The following TMCO4 variants were observed in gnomAD, a reference collection of about 807,000 sequenced individuals.
The protein encoded by TMCO4 is transmembrane and coiled-coil domain-containing protein 4.
Under a neutral mutation model 64.7 loss-of-function variants are expected in TMCO4, and 58 were observed. That is an observed-to-expected ratio of 0.90 (90% confidence interval 0.73 to 1.12). The LOEUF (loss-of-function observed/expected upper bound fraction) is 1.12. Ranked by LOEUF, TMCO4 falls within the 50% of genes most tolerant of loss-of-function variation. TMCO4 has a pLI of 0.00. For synonymous variants in TMCO4, 325 were observed against 346.1 expected (o/e 0.94, Z 0.68); for missense variants, 780 against 825.9 (o/e 0.94, Z 0.68).
chr1:19,779,173 C>T (rs1441082097), intron 4 of TMCO4, among the ~76,000 whole-genome samples: 1 of 152,214 alleles, frequency 6.6e-6, no homozygotes, highest in African/African-American at 2.4e-5. Flanking sequence ...GATGCAAGAG[C>T]TTCTCACCAT....
At chr1:19,696,397 A>C (rs1449788398) in intron 14 of TMCO4, among the ~76,000 whole-genome samples, 2 of 150,074 alleles carry the variant, frequency 1.3e-5, no homozygotes, top group Non-Finnish European at 2.9e-5. Context: ...AAAACACACA[A>C]AAATTAGCTG....
chr1:19,752,260 C>T (rs1185529707), intron 7 of TMCO4, among the ~76,000 whole-genome samples: 1 of 152,172 alleles, frequency 6.6e-6, no homozygotes, highest in Non-Finnish European at 1.5e-5. Context: ...ATCCGAATGA[C>T]AGCCTTGTTG....
intron 6 of TMCO4, among the ~76,000 whole-genome samples, chr1:19,761,249 G>T (rs967691964): frequency 6.6e-6 from 1 of 152,144 alleles, no homozygotes; most frequent in Non-Finnish European, 1.5e-5. Flanking sequence ...TGGGAAGGAG[G>T]GCCACGAGCT....
At chr1:19,708,332 G>T (rs550061491) in intron 13 of TMCO4, among the ~76,000 whole-genome samples, 1 of 151,428 alleles carries the variant, frequency 6.6e-6, no homozygotes, top group Non-Finnish European at 1.5e-5. Context: ...CTCCTGAGAC[G>T]GTGCTTTACC....
intron 14 of TMCO4, among the ~76,000 whole-genome samples, chr1:19,696,870 G>A (rs141918179): frequency 1.3e-3 from 198 of 152,338 alleles, no homozygotes; most frequent in Middle Eastern, 6.8e-3. Context: ...CTCTCACTGT[G>A]CTGAGCAAAC....
chr1:19,746,821 G>C (rs1223978012), intron 8 of TMCO4, among the ~76,000 whole-genome samples: 1 of 151,806 alleles, frequency 6.6e-6, no homozygotes, highest in East Asian at 1.9e-4. Flanking sequence ...CTACTCGGGA[G>C]GCTGAGGCAG....
Position 19,755,624 on chromosome 1 carries a change from G to T in TMCO4, c.515+10C>A. ...CTTGGATCCTGATGGGGGTCGCGGGGCTCTCTTACTCAGATTCCTCTTCTT... is the reference window on the plus strand; with the variant it reads ...CTTGGATCCTGATGGGGGTCGCGGGTCTCTCTTACTCAGATTCCTCTTCTT... On this transcript the variant is annotated intron_variant, in intron 7 of 15. Coordinates refer to ENST00000294543, the MANE Select transcript of TMCO4 (RefSeq NM_181719.7). 2 of 1,613,624 alleles carry T rather than the reference G, an allele frequency of 1.2e-6. No homozygotes were observed. The highest frequency in any genetic ancestry group is 1.7e-6 in the Non-Finnish European group (2 of 1,179,778).
chr1:19,710,287 AT>A (rs2095324803), intron 13 of TMCO4, among the ~76,000 whole-genome samples: 6 of 121,242 alleles, frequency 4.9e-5, no homozygotes, highest in Non-Finnish European at 8.9e-5. Flanking sequence ...TTTTTTTTGG[AT>A]TTTTAGTAGA....
At chr1:19,719,695 A>G (rs1432721516) in intron 13 of TMCO4, among the ~76,000 whole-genome samples, 3 of 152,036 alleles carry the variant, frequency 2.0e-5, no homozygotes, top group African/African-American at 7.2e-5. Flanking sequence ...TGTCTGGCTA[A>G]TTAAAAAAAA....
At chr1:19,713,808 C>T (rs2095343120) in intron 13 of TMCO4, among the ~76,000 whole-genome samples, 1 of 152,072 alleles carries the variant, frequency 6.6e-6, no homozygotes, top group Admixed American at 6.6e-5. Context: ...TATCTCTCTC[C>T]CCTATTCTCT....
chr1:19,704,091 C>T (rs2095289638), intron 13 of TMCO4, among the ~76,000 whole-genome samples: 1 of 152,212 alleles, frequency 6.6e-6, no homozygotes. Flanking sequence ...TACAGGGTTC[C>T]AGGCTGATAA....
chr1:19,700,616 C>G, intron 14 of TMCO4, 152 bp downstream of exon 14: 1 of 711,538 alleles, frequency 1.4e-6, no homozygotes, highest in Non-Finnish European at 2.4e-6. Context: ...CAGGCCTGGG[C>G]CTGCTCCTAA....
At chr1:19,731,312 T>C (rs2095429024) in intron 13 of TMCO4, among the ~76,000 whole-genome samples, 2 of 152,224 alleles carry the variant, frequency 1.3e-5, no homozygotes, top group African/African-American at 4.8e-5. Flanking sequence ...TACTCCCATT[T>C]ATTAACAGTT....
intron 15 of TMCO4, among the ~76,000 whole-genome samples, chr1:19,687,531 T>C (rs2095159008): frequency 6.6e-6 from 1 of 152,160 alleles, no homozygotes; most frequent in African/African-American, 2.4e-5. Flanking sequence ...CTTACCTTAG[T>C]TTCCTACGAG....
At chr1:19,708,569 C>CAG (rs1159401863) in intron 13 of TMCO4, among the ~76,000 whole-genome samples, 2 of 152,162 alleles carry the variant, frequency 1.3e-5, no homozygotes, top group East Asian at 3.9e-4. Flanking sequence ...AAGGGCCCCA[C>CAG]AGAGAACACT....
intron 3 of TMCO4, among the ~76,000 whole-genome samples, chr1:19,784,224 G>A (rs949804448): frequency 3.3e-5 from 5 of 152,120 alleles, no homozygotes; most frequent in African/African-American, 1.2e-4. Flanking sequence ...GTATGAGGAT[G>A]TGTCTAGAGT....
At chr1:19,696,882 A>G (rs1296686733) in intron 14 of TMCO4, among the ~76,000 whole-genome samples, 1 of 152,218 alleles carries the variant, frequency 6.6e-6, no homozygotes, top group Non-Finnish European at 1.5e-5. Context: ...TGAGCAAACC[A>G]TGGGCCTTCA....
At chr1:19,733,254 G>A (rs1372720164) in intron 13 of TMCO4, among the ~76,000 whole-genome samples, 7 of 151,982 alleles carry the variant, frequency 4.6e-5, no homozygotes, top group Admixed American at 4.6e-4. Context: ...GTGACAGAGC[G>A]AAACTCCGTC....
intron 15 of TMCO4, among the ~76,000 whole-genome samples, chr1:19,687,450 G>A (rs2095158392): frequency 1.3e-5 from 2 of 152,212 alleles, no homozygotes. Flanking sequence ...AGGAGTTGCT[G>A]GGAAGAAATA....
Sources: gnomAD v4.1 joint callset for allele counts (sites outside exome capture counted in the v4.1 genomes callset) on GRCh38, gnomAD v4.1.1 for gene constraint, MANE v1.5 for transcripts, NCBI Gene and HGNC (gene_info 2026-07-23, HGNC 2026-07-21) for gene names.